CASP5: variants seen among roughly 807,000 people sequenced by gnomAD.
CASP5 encodes caspase 5.
Under a neutral mutation model 45.2 loss-of-function variants are expected in CASP5, and 42 were observed. That is an observed-to-expected ratio of 0.93 (90% CI 0.73 to 1.20). The LOEUF is 1.20. Ranked by LOEUF, CASP5 falls within the 50% of genes most tolerant of loss-of-function variation. The pLI, the probability that CASP5 is intolerant of heterozygous loss-of-function variation, is 0.00. For synonymous variants in CASP5, 209 were observed against 186.2 expected (o/e 1.12, Z -1.00); for missense variants, 512 against 532.2 (o/e 0.96, Z 0.37).
intron 5 of CASP5, among the ~76,000 whole-genome samples, chr11:105,001,720 A>T (rs1316392931): frequency 6.6e-6 from 1 of 152,224 alleles, no homozygotes; most frequent in African/African-American, 2.4e-5. Context: ...CTGTGATTTT[A>T]TGTGGAATCT....
intron 1 of CASP5, among the ~76,000 whole-genome samples, chr11:105,012,141 T>C (rs996782695): frequency 6.6e-6 from 1 of 151,732 alleles, no homozygotes; most frequent in Admixed American, 6.6e-5. Context: ...TTATTTACAG[T>C]AAATTTATTT....
chr11:105,015,204 A>G (rs1292518381), intron 1 of CASP5, among the ~76,000 whole-genome samples: 2 of 152,214 alleles, frequency 1.3e-5, no homozygotes, highest in Non-Finnish European at 2.9e-5. Context: ...TTCTCAACAG[A>G]CATTAGACCA....
intron 1 of CASP5, among the ~76,000 whole-genome samples, chr11:105,015,027 G>A (rs1159641308): frequency 2.0e-5 from 3 of 152,198 alleles, no homozygotes; most frequent in African/African-American, 7.2e-5. Context: ...GGTGTCTAAA[G>A]TAATCAGGAA....
chr11:105,019,793 C>T (rs866433894), intron 1 of CASP5, among the ~76,000 whole-genome samples: 3,082 of 144,802 alleles, frequency 0.021, 130 homozygotes, highest in African/African-American at 0.073. Context: ...GGAATCCTCC[C>T]TAACTCATTT....
Position 105,008,805 on chromosome 11 carries a change from A to T in CASP5, c.181+2T>A, listed in dbSNP as rs768837150. 6.3e-7 allele frequency: 1 copy of T among 1,597,694 alleles called. No individual in the cohort carries two copies. The highest frequency in any genetic ancestry group is 8.6e-7 in the Non-Finnish European group (1 of 1,169,038). ...TATCCATTGTAAAATATCCAGTCTTACTTTTTACACTGGTCGACTTTTGAT... is the reference window on the plus strand; with the variant it reads ...TATCCATTGTAAAATATCCAGTCTTTCTTTTTACACTGGTCGACTTTTGAT... On this transcript the variant is annotated splice_donor_variant, in intron 2 of 9. Transcript: ENST00000260315. LOFTEE classifies it high-confidence loss of function.
intron 1 of CASP5, among the ~76,000 whole-genome samples, chr11:105,020,046 A>T (rs1242542478): frequency 8.9e-5 from 13 of 145,758 alleles, no homozygotes; most frequent in African/African-American, 2.7e-4. Context: ...ACAGAACCAA[A>T]GACAAAAACC....
At chr11:105,005,349 T>C (rs1357360327) in intron 3 of CASP5, among the ~76,000 whole-genome samples, 1 of 123,358 alleles carries the variant, frequency 8.1e-6, no homozygotes, top group African/African-American at 4.0e-5. Context: ...ATAGTGTGTA[T>C]ATATATATGT....
At chr11:105,009,957 A>G (rs1862255030) in intron 1 of CASP5, among the ~76,000 whole-genome samples, 1 of 147,772 alleles carries the variant, frequency 6.8e-6, no homozygotes, top group African/African-American at 2.5e-5. Flanking sequence ...ATATATATCA[A>G]AGTAATAAAT....
chr11:105,001,116 C>A (rs1324492864), intron 5 of CASP5, among the ~76,000 whole-genome samples: 1 of 152,172 alleles, frequency 6.6e-6, no homozygotes, highest in African/African-American at 2.4e-5. Flanking sequence ...CTGGACCAAC[C>A]CAAAAACATC....
At chr11:105,012,848 A>G (rs1862418168) in intron 1 of CASP5, among the ~76,000 whole-genome samples, 1 of 151,906 alleles carries the variant, frequency 6.6e-6, no homozygotes, top group Non-Finnish European at 1.5e-5. Context: ...AATGAAAAAC[A>G]ATAGGAAACT....
At chr11:105,003,749 C>T (rs891522470) in intron 3 of CASP5, among the ~76,000 whole-genome samples, 1 of 151,918 alleles carries the variant, frequency 6.6e-6, no homozygotes, top group Non-Finnish European at 1.5e-5. Flanking sequence ...TGTGTCTGGG[C>T]AAGAGTGTGC....
intron 6 of CASP5, among the ~76,000 whole-genome samples, 180 bp from the exon 7 acceptor site, chr11:104,999,208 G>A (rs772991467): frequency 1.3e-5 from 2 of 151,918 alleles, no homozygotes; most frequent in Middle Eastern, 3.4e-3. Context: ...TCCCCTTGTC[G>A]CCCACCCCCC....
At chr11:105,021,203 A>T (rs1862941217) in intron 1 of CASP5, among the ~76,000 whole-genome samples, 1 of 151,630 alleles carries the variant, frequency 6.6e-6, no homozygotes, top group Non-Finnish European at 1.5e-5. Flanking sequence ...AACCATAAAA[A>T]CCCTAGAAGA....
intron 1 of CASP5, 131 bp from the exon 2 acceptor site, chr11:105,009,111 C>A (rs1216471309): frequency 1.7e-5 from 13 of 747,920 alleles, no homozygotes; most frequent in Non-Finnish European, 2.8e-5. Context: ...TCAACAAATA[C>A]TCATTATTTC....
chr11:105,022,724 C>A (rs1863036159), intron 1 of CASP5, among the ~76,000 whole-genome samples: 1 of 152,098 alleles, frequency 6.6e-6, no homozygotes, highest in Admixed American at 6.6e-5. Context: ...ACGTTGAGAA[C>A]ACAGAGGCTC....
intron 1 of CASP5, among the ~76,000 whole-genome samples, chr11:105,019,859 AG>A (rs1364643372): frequency 2.1e-4 from 30 of 145,384 alleles, no homozygotes; most frequent in African/African-American, 7.3e-4. Context: ...ACCAAAAAAG[AG>A]AATTTTAGAC....
intron 1 of CASP5, among the ~76,000 whole-genome samples, chr11:105,020,762 G>T (rs571499997): frequency 2.0e-5 from 3 of 152,108 alleles, no homozygotes; most frequent in Admixed American, 1.3e-4. Flanking sequence ...CAATGCCATC[G>T]CCATCAAGCT....
Position 104,997,544 on chromosome 11 carries a change from T to C in CASP5, c.1097-52A>G, listed in dbSNP as rs753779309. The C allele has an allele frequency of 1.3e-5, 16 of 1,197,736 alleles. No homozygotes were observed. In the South Asian group the frequency reaches 2.0e-4, roughly 15 times the overall value. 74.2% of individuals were successfully genotyped at this position (1,197,736 alleles called of 1,614,324 possible). ...TGGGCTACGACTTTCACTATGTTTTTGTTTATATTTTTGTTTTTGCATAGC... is the reference window on the plus strand; with the variant it reads ...TGGGCTACGACTTTCACTATGTTTTCGTTTATATTTTTGTTTTTGCATAGC... On this transcript the variant is annotated intron_variant, in intron 7 of 9. Transcript: ENST00000260315.
At chr11:105,012,938 A>G (rs1321344492) in intron 1 of CASP5, among the ~76,000 whole-genome samples, 2 of 152,040 alleles carry the variant, frequency 1.3e-5, no homozygotes, top group East Asian at 3.8e-4. Context: ...TATATTTTAA[A>G]CATTAAGTCA....
Sources: gnomAD v4.1 joint callset for allele counts (sites outside exome capture counted in the v4.1 genomes callset) on GRCh38, gnomAD v4.1.1 for gene constraint, MANE v1.5 for transcripts, NCBI Gene and HGNC (gene_info 2026-07-23, HGNC 2026-07-21) for gene names.